Variants in RNF213 observed in about 807,000 individuals in gnomAD.
RNF213 encodes the protein ring finger protein 213.
In RNF213, 341 loss-of-function variants were observed where a neutral mutation model predicts 514.4. That is an observed-to-expected ratio of 0.66 (90% confidence interval 0.61 to 0.73). RNF213 has a LOEUF of 0.73. Among genes scored for constraint, RNF213 ranks in the 30% least tolerant of loss-of-function variants. RNF213 has a pLI of 0.00. For missense variants in RNF213, 5,767 were observed against 6,615.6 expected (o/e 0.87, Z 4.45); for synonymous variants, 2,655 against 2,658.2 (o/e 1.00, Z 0.04).
At chr17:80,297,735 C>T (rs2045011023) in intron 10 of RNF213, among the ~76,000 whole-genome samples, 1 of 145,608 alleles carries the variant, frequency 6.9e-6, no homozygotes, top group Admixed American at 7.1e-5. Context: ...TGCAGTGAGC[C>T]AAGATCGTGC....
intron 50 of RNF213, 112 bp downstream of exon 50, chr17:80,374,701 C>A: frequency 7.8e-7 from 1 of 1,277,242 alleles, no homozygotes; most frequent in Non-Finnish European, 1.1e-6. Flanking sequence ...TGCAGCCCAT[C>A]ACGTGACACT....
intron 2 of RNF213, among the ~76,000 whole-genome samples, chr17:80,269,660 CT>C (rs1380571734): frequency 2.7e-5 from 4 of 150,100 alleles, no homozygotes; most frequent in Admixed American, 1.3e-4. Flanking sequence ...ATCCATCAAT[CT>C]ATCCATCCAT....
chr17:80,298,581 C>T lies in RNF213; in HGVS notation c.2210+63C>T. The T allele has an allele frequency of 1.9e-6, 3 of 1,571,046 alleles. No individual in the cohort carries two copies. The South Asian group carries it at 3.4e-5, about 18-fold the overall frequency. ...GAAGACTGACTCCTACATTGTGCAC[C>T]CGGAGTCCCGGTGGGCTCTGCAGTG... On this transcript the variant is annotated intron_variant, in intron 11 of 67. Transcript: ENST00000582970.
At position 80,395,232 on chromosome 17, in the gene RNF213, G is replaced by C. The variant is rs1451702440; in HGVS notation, c.*1734G>C. The C allele has an allele frequency of 4.2e-5, 6 of 141,926 alleles. No homozygotes were observed. Among genetic ancestry groups the C allele is most frequent in the Admixed American group, 3.4e-4 (5 of 14,636 alleles). The allele number at this position is 141,926 out of a possible 1,614,324, so 8.8% of individuals were successfully genotyped here. A position where few individuals can be genotyped will look rare whatever the true frequency, so the allele number is the denominator to read the frequency against. The stretch of plus-strand genomic sequence containing the variant: ...GTTTGTACAGAAATATACTGGCCTA[G>C]CAGAGGCAAAAAAAAAAAAAATGAA... On this transcript the variant is annotated 3_prime_UTR_variant, in exon 68 of 68. Transcript: ENST00000582970.
At chr17:80,287,669 A>G in intron 3 of RNF213, 146 bp from the exon 4 acceptor site, 2 of 655,496 alleles carry the variant, frequency 3.1e-6, no homozygotes, top group Non-Finnish European at 5.2e-6. Flanking sequence ...CATTCTTTCC[A>G]GGAAATTGCA....
chr17:80,303,050 A>G (rs1277798662), intron 11 of RNF213, among the ~76,000 whole-genome samples: 2 of 152,224 alleles, frequency 1.3e-5, no homozygotes, highest in Non-Finnish European at 2.9e-5. Context: ...CACTGGATGA[A>G]TACTTGAAGA....
Position 80,393,418 on chromosome 17 carries a change from C to G in RNF213, c.15544C>G (p.Pro5182Ala). 6.2e-7 allele frequency: 1 copy of G among 1,614,140 alleles called. No individual in the cohort carries two copies. Among genetic ancestry groups the G allele is most frequent in the Non-Finnish European group, 8.5e-7 (1 of 1,179,980 alleles). Residue 5182 changes from proline (P) to alanine (A), a missense_variant, in exon 68 of 68, where the codon CCA becomes GCA. Coordinates refer to ENST00000582970, the MANE Select transcript of RNF213 (RefSeq NM_001256071.3). ...EILPEMASQF[P>A]EEILLASCVS... is the part of the protein sequence containing the mutation. ...TCTTCCTGAAATGGCATCTCAGTTC[C>G]CAGAAGAGATACTGCTCGCCAGCTG...
chr17:80,376,234 G>C, intron 51 of RNF213, 67 bp from the exon 52 acceptor site: 2 of 1,563,962 alleles, frequency 1.3e-6, no homozygotes, highest in Non-Finnish European at 1.8e-6. Context: ...TGGTGTCAGT[G>C]TATGTCTAAG....
intron 50 of RNF213, chr17:80,375,076 T>A (rs1392508183): frequency 5.6e-6 from 1 of 179,014 alleles, no homozygotes; most frequent in Admixed American, 5.4e-5. Context: ...TGGTCTTGCT[T>A]CCTTTTTGAG....
In RNF213 at chr17:80,263,725, C is replaced by G; in HGVS notation, c.44C>G (p.Pro15Arg). The change falls in exon 2 of 68, where the codon CCC becomes CGC. Residue 15 changes from proline to arginine, a missense_variant. By Grantham distance (103) the Pro-to-Arg change is moderately radical. This residue lies in a region of RNF213 where 509 missense variants were observed against 496.7 expected (regional missense o/e 1.02). Coordinates refer to ENST00000582970, the MANE Select transcript of RNF213 (RefSeq NM_001256071.3). The surrounding 1 kb of genome is among the most constrained non-coding windows in gnomAD (Gnocchi z 4.9). ...CAGCATGTCTCCAAGGAGGAAACCC[C>G]CAAGTTCTGCAGCCAGTGCGGAGAG... ...SCQHVSKEETPKFCSQCGERL... is the reference protein window; with the variant it reads ...SCQHVSKEETRKFCSQCGERL... 1.2e-6 allele frequency: 2 copies of G among 1,614,162 alleles called. No homozygotes were observed. Among genetic ancestry groups the G allele is most frequent in the Non-Finnish European group, 1.7e-6 (2 of 1,180,026 alleles).
chr17:80,290,436 T>TGTGCATGTGTGTGTGCGA (rs1323432686), intron 6 of RNF213, 134 bp from the exon 7 acceptor site: 24 of 1,056,266 alleles, frequency 2.3e-5, no homozygotes, highest in Non-Finnish European at 3.0e-5. Context: ...TGTGCGCGTG[T>TGTGCATGTGTGTGTGCGA]GTGCATGTGT....
intron 54 of RNF213, chr17:80,379,315 A>G (rs1365397774): frequency 1.7e-5 from 7 of 407,536 alleles, no homozygotes; most frequent in Non-Finnish European, 2.3e-5. Context: ...GAGGGATGGA[A>G]AAAGTGCTGA....
At chr17:80,292,319 C>T (rs920280167) in intron 8 of RNF213, among the ~76,000 whole-genome samples, 5 of 152,126 alleles carry the variant, frequency 3.3e-5, no homozygotes, top group Admixed American at 6.6e-5. Flanking sequence ...CTGCCCTCCT[C>T]GACCTCCCGA....
chr17:80,276,755 G>A (rs117505420), intron 3 of RNF213, among the ~76,000 whole-genome samples: 3 of 151,006 alleles, frequency 2.0e-5, no homozygotes, highest in Non-Finnish European at 3.0e-5. Context: ...CAAAAGTTAC[G>A]CATAAAATTA....
rs775175802 is a variant in RNF213 at position 80,384,059 on chromosome 17, T to A, written c.14322+131T>A. 26 of 1,147,548 alleles carry A rather than the reference T, an allele frequency of 2.3e-5. No individual in the cohort carries two copies. In the East Asian group the frequency reaches 3.5e-4, roughly 16 times the overall value. 71.1% of individuals were successfully genotyped at this position (1,147,548 alleles called of 1,614,324 possible). ...TCCAGTGCTTTGGTTTTGAATAGGA[T>A]GTAGCAGAAGACTCAGGGCTAGAGA... is the stretch of plus-strand genomic sequence containing the variant. On this transcript the variant is annotated intron_variant, in intron 59 of 67. Transcript: ENST00000582970.
intron 17 of RNF213, 38 bp downstream of exon 17, chr17:80,319,350 C>T (rs780441541): frequency 3.7e-6 from 6 of 1,614,102 alleles, no homozygotes; most frequent in South Asian, 3.3e-5. Context: ...GATTCGGGCT[C>T]ACAGCTGTGT....
At position 80,263,803 on chromosome 17, in the gene RNF213, G is replaced by A. The variant is rs2043510465; in HGVS notation, c.97+25G>A. The A allele has an allele frequency of 6.2e-7, 1 of 1,606,588 alleles. No homozygotes were observed. Among genetic ancestry groups the A allele is most frequent in the Non-Finnish European group, 8.5e-7 (1 of 1,173,210 alleles). ...GGTGAGGCCCAGGGGTGCTGGTGGA[G>A]GCTGGGGCAGTGGGGACCCCTGGAG... On this transcript the variant is annotated intron_variant, in intron 2 of 67. Transcript: ENST00000582970. The surrounding 1 kb of genome is among the most constrained non-coding windows in gnomAD (Gnocchi z 4.9).
chr17:80,363,115 C>T lies in RNF213; in HGVS notation c.11369C>T (p.Ala3790Val), dbSNP rs994233670. The change falls in exon 40 of 68, where the codon GCT becomes GTT. Residue 3790 changes from alanine (A) to valine (V), a missense_variant. Physicochemically the swap from Ala to Val is moderately conservative, Grantham distance 64. This residue lies in a region of RNF213 where 355 missense variants were observed against 358.0 expected (regional missense o/e 0.99). Transcript: ENST00000582970. ...TTTGAATCCCAGTTTCTGCAGATGG[C>T]TCTGTGGTCCTGCACTAGGAAACTG... is the stretch of plus-strand genomic sequence containing the variant. ...TEEELKFLQMALWSCTRKLKA... is the reference protein window; with the variant it reads ...TEEELKFLQMVLWSCTRKLKA... 1 of 1,614,036 alleles carries T rather than the reference C, an allele frequency of 6.2e-7. No individual in the cohort carries two copies. Among genetic ancestry groups the T allele is most frequent in the African/African-American group, 1.3e-5 (1 of 74,940 alleles).
At position 80,288,884 on chromosome 17, in the gene RNF213, C is replaced by G. The variant is rs1172067226; in HGVS notation, c.933+129C>G. 1 of 1,482,676 alleles carries G rather than the reference C, an allele frequency of 6.7e-7. No individual in the cohort carries two copies. Among genetic ancestry groups the G allele is most frequent in the African/African-American group, 1.4e-5 (1 of 71,878 alleles). The allele number at this position is 1,482,676 out of a possible 1,614,324, so 91.8% of individuals were successfully genotyped here. On this transcript the variant is annotated intron_variant, in intron 5 of 67. Transcript: ENST00000582970. The surrounding 1 kb of genome is among the most constrained non-coding windows in gnomAD (Gnocchi z 4.9). The stretch of plus-strand genomic sequence containing the variant: ...GCCATGATTCAGACAAAGCTCTGGC[C>G]TTCGGGGTGCTCACATTCCAGCGGA...
Sources: allele counts gnomAD v4.1 joint callset (sites outside exome capture counted in the v4.1 genomes callset), GRCh38; gene constraint gnomAD v4.1.1; regional missense constraint gnomAD v4.1.1; non-coding constraint Gnocchi (gnomAD v3.1); transcripts MANE v1.5; gene names NCBI Gene and HGNC (gene_info 2026-07-23, HGNC 2026-07-21).